NSD2: variants seen among roughly 807,000 people sequenced by gnomAD.
The protein encoded by NSD2 is nuclear receptor binding SET domain protein 2, also known as histone-lysine N-methyltransferase NSD2.
Under a neutral mutation model 139.0 loss-of-function variants are expected in NSD2, and 12 were observed. The ratio of observed to expected loss-of-function variants is 0.09; its 90% confidence interval spans 0.06 to 0.14. The LOEUF (loss-of-function observed/expected upper bound fraction) is 0.14, where lower values mean the gene tolerates loss of function less well. Among genes scored for constraint, NSD2 ranks in the 10% least tolerant of loss-of-function variants. The pLI is 1.00. For synonymous variants in NSD2, 669 were observed against 648.7 expected, an observed-to-expected ratio of 1.03 and a Z score of -0.48; for missense variants, 1,155 against 1,745.0, an observed-to-expected ratio of 0.66 and a Z score of 6.02.
chr4:1,873,211 C>T (rs942699859), intron 1 of NSD2, among the ~76,000 whole-genome samples: 2 of 152,156 alleles, frequency 1.3e-5, no homozygotes, highest in African/African-American at 2.4e-5. Flanking sequence ...TTTGTGTAAG[C>T]TTTTGTGAAG....
intron 1 of NSD2, among the ~76,000 whole-genome samples, chr4:1,888,930 C>T (rs1210415245): frequency 1.3e-5 from 2 of 148,238 alleles, no homozygotes; most frequent in East Asian, 2.0e-4. Flanking sequence ...GACAGTCTCA[C>T]TCTGTTGGCC....
rs1560681910 is a variant in NSD2, at chr4:1,930,776, CAT to C, written c.1555+8_1555+9del. On this transcript the variant is annotated splice_region_variant and intron_variant, in intron 6 of 21. Coordinates refer to ENST00000508803, the MANE Select transcript of NSD2 (RefSeq NM_001042424.3). ...CCAGGCTGAAGAAGACTCTGGTAAA[CAT>C]AGCATTATGCTGATGTCCTCTGCTT... 4 of 1,611,902 alleles carry C rather than the reference CAT, an allele frequency of 2.5e-6. No homozygotes were observed. In the Admixed American group the frequency reaches 6.7e-5, roughly 27 times the overall value.
intron 2 of NSD2, among the ~76,000 whole-genome samples, chr4:1,903,980 C>G (rs1717550016): frequency 6.6e-6 from 1 of 152,116 alleles, no homozygotes; most frequent in South Asian, 2.1e-4. Context: ...GTGATCCGCC[C>G]ACGTTGGCCT....
At chr4:1,951,878 G>T in intron 10 of NSD2, 1 of 561,324 alleles carries the variant, frequency 1.8e-6, no homozygotes, top group Non-Finnish European at 3.0e-6. Context: ...TACTTCCTTT[G>T]CCATTGCTGA....
chr4:1,953,285 T>C (rs1324532694), intron 11 of NSD2, 39 bp from the exon 12 acceptor site: 1 of 1,614,136 alleles, frequency 6.2e-7, no homozygotes, highest in Non-Finnish European at 8.5e-7. Flanking sequence ...TCTTGTTCTT[T>C]GCACCTCTCT....
rs570465911 is a variant in NSD2, at chr4:1,955,590, G to C, written c.2519-103G>C. The C allele has an allele frequency of 2.9e-6, 4 of 1,387,796 alleles. No individual in the cohort carries two copies. In the East Asian group the frequency reaches 1.0e-4, roughly 35 times the overall value. The allele number at this position is 1,387,796 out of a possible 1,614,324, so 86.0% of individuals were successfully genotyped here. A position where few individuals can be genotyped will look rare whatever the true frequency, so the allele number is the denominator to read the frequency against. ...TACAGATCGCTGTTTTAAAACTGAT[G>C]TTTATAAGTTAAGGCTGTAATAAGT... On this transcript the variant is annotated intron_variant, in intron 13 of 21. Transcript: ENST00000508803. The surrounding 1 kb of genome is among the most constrained non-coding windows in gnomAD (Gnocchi z 4.7).
rs1723900747 is a variant in NSD2 at position 1,948,749 on chromosome 4, A to T, written c.1882-2323A>T. ...CAAAACAGACTTTGTTAATGTAGGAAATCTCTCCAAGTGGAAACGTGCTAA... is the reference window on the plus strand; with the variant it reads ...CAAAACAGACTTTGTTAATGTAGGATATCTCTCCAAGTGGAAACGTGCTAA... On this transcript the variant is annotated intron_variant, in intron 9 of 21. Coordinates refer to ENST00000508803, the MANE Select transcript of NSD2 (RefSeq NM_001042424.3). This position sits in a 1 kb window ranked among gnomAD's most constrained non-coding sequence, Gnocchi z 4.5. 1.9e-6 allele frequency: 2 copies of T among 1,048,190 alleles called. No individual in the cohort carries two copies. Among genetic ancestry groups the T allele is most frequent in the Middle Eastern group, 8.7e-4 (2 of 2,300 alleles). The allele number at this position is 1,048,190 out of a possible 1,614,324, so 64.9% of individuals were successfully genotyped here. A position where few individuals can be genotyped will look rare whatever the true frequency, so the allele number is the denominator to read the frequency against.
At chr4:1,915,316 G>A (rs1323285177) in intron 3 of NSD2, among the ~76,000 whole-genome samples, 5 of 151,786 alleles carry the variant, frequency 3.3e-5, no homozygotes, top group East Asian at 1.9e-4. Context: ...GGATTTCACC[G>A]TGTTAGCCAG....
intron 11 of NSD2, 187 bp from the exon 12 acceptor site, chr4:1,953,137 T>C (rs1242985243): frequency 1.3e-6 from 2 of 1,548,068 alleles, no homozygotes; most frequent in African/African-American, 2.7e-5. Context: ...AGCAAGGTAA[T>C]CCTTGATGGC....
rs1724792021 is a variant in NSD2 at position 1,956,253 on chromosome 4, A to G, written c.2881+65A>G. The G allele has an allele frequency of 2.2e-6, 3 of 1,386,776 alleles. No individual in the cohort carries two copies. Among genetic ancestry groups the G allele is most frequent in the Non-Finnish European group, 2.9e-6 (3 of 1,032,540 alleles). 85.9% of individuals were successfully genotyped at this position (1,386,776 alleles called of 1,614,324 possible). The stretch of plus-strand genomic sequence containing the variant: ...GTGCATTTTCTTACCCCTAATTTCT[A>G]TTTTTTAAAATTTGATCTTTATAGA... On this transcript the variant is annotated intron_variant, in intron 15 of 21. Transcript: ENST00000508803. The surrounding 1 kb of genome is among the most constrained non-coding windows in gnomAD (Gnocchi z 5.3).
intron 5 of NSD2, among the ~76,000 whole-genome samples, chr4:1,925,223 G>A (rs546967455): frequency 2.0e-5 from 3 of 152,132 alleles, no homozygotes; most frequent in Non-Finnish European, 2.9e-5. Context: ...GATGGTTTTT[G>A]TTGGCTTGTC....
At chr4:1,951,250 G>C in intron 10 of NSD2, 47 bp downstream of exon 10, 1 of 1,611,556 alleles carries the variant, frequency 6.2e-7, no homozygotes. Flanking sequence ...TGTCTGACTG[G>C]GGCCCCGGTA....
intron 15 of NSD2, 60 bp from the exon 16 acceptor site, chr4:1,957,873 C>A: frequency 6.8e-7 from 1 of 1,461,960 alleles, no homozygotes; most frequent in Non-Finnish European, 9.5e-7. Flanking sequence ...AAATATGGAG[C>A]TTGAAAGGTA....
At position 1,976,028 on chromosome 4, in the gene NSD2, G is replaced by A. The variant is rs1046317418; in HGVS notation, c.3622-447G>A. On this transcript the variant is annotated intron_variant, in intron 20 of 21. Coordinates refer to ENST00000508803, the MANE Select transcript of NSD2 (RefSeq NM_001042424.3). The surrounding 1 kb of genome is among the most constrained non-coding windows in gnomAD (Gnocchi z 5.3). ...GGTGGCACCAGCTCGGCCCTGAGCCGGTGTCTGTCCTCAGCCGTGTTGCTG... is the reference window on the plus strand; with the variant it reads ...GGTGGCACCAGCTCGGCCCTGAGCCAGTGTCTGTCCTCAGCCGTGTTGCTG... Among the ~76,000 whole-genome samples, 7 of 152,258 alleles carry A rather than the reference G, an allele frequency of 4.6e-5. No individual in the cohort carries two copies. In the East Asian group the frequency reaches 9.7e-4, roughly 21 times the overall value.
rs1238855580 is a variant in NSD2, at chr4:1,958,301, T to G, written c.2985+265T>G. ...GGGTGACAGTCCTGACCGGGCTGCT[T>G]GGAGCAGGAGGAGCTGAGGGATGAG... is the stretch of plus-strand genomic sequence containing the variant. On this transcript the variant is annotated intron_variant, in intron 16 of 21. Coordinates refer to ENST00000508803, the MANE Select transcript of NSD2 (RefSeq NM_001042424.3). This position sits in a 1 kb window ranked among gnomAD's most constrained non-coding sequence, Gnocchi z 4.6. Among the ~76,000 whole-genome samples the G allele has an allele frequency of 6.6e-6, 1 of 152,166 alleles. No homozygotes were observed. The highest frequency in any genetic ancestry group is 1.5e-5 in the Non-Finnish European group (1 of 68,024).
At chr4:1,971,606 A>G (rs1337771555) in intron 18 of NSD2, among the ~76,000 whole-genome samples, 3 of 152,314 alleles carry the variant, frequency 2.0e-5, no homozygotes, top group African/African-American at 4.8e-5. Context: ...TCAGAGGCAC[A>G]TGTACTGAGG....
chr4:1,894,248 C>T (rs548881152), intron 1 of NSD2, among the ~76,000 whole-genome samples: 41 of 152,276 alleles, frequency 2.7e-4, no homozygotes, highest in Non-Finnish European at 4.7e-4. Flanking sequence ...TGAGCCACCA[C>T]GCCTGGTGAA....
At chr4:1,882,480 G>A (rs895027832) in intron 1 of NSD2, among the ~76,000 whole-genome samples, 1 of 152,116 alleles carries the variant, frequency 6.6e-6, no homozygotes, top group Non-Finnish European at 1.5e-5. Flanking sequence ...TGGCTAACAC[G>A]GTGAAACCCC....
Position 1,942,686 on chromosome 4 carries a change from T to C in NSD2, c.1881+2908T>C. 2 of 1,138,624 alleles carry C rather than the reference T, an allele frequency of 1.8e-6. No individual in the cohort carries two copies. Among genetic ancestry groups the C allele is most frequent in the South Asian group, 3.1e-5 (1 of 32,068 alleles). 70.5% of individuals were successfully genotyped at this position (1,138,624 alleles called of 1,614,324 possible). A position where few individuals can be genotyped will look rare whatever the true frequency, so the allele number is the denominator to read the frequency against. On this transcript the variant is annotated intron_variant, in intron 9 of 21. Transcript: ENST00000508803. This position sits in a 1 kb window ranked among gnomAD's most constrained non-coding sequence, Gnocchi z 4.0. ...AGGCAGTCCCTTTAGTTGGGGGCTG[T>C]CCAGAGCTGCAGCAGGGCTTTGCAC...
Sources: allele counts gnomAD v4.1 joint callset (sites outside exome capture counted in the v4.1 genomes callset), GRCh38; gene constraint gnomAD v4.1.1; non-coding constraint Gnocchi (gnomAD v3.1); transcripts MANE v1.5; gene names NCBI Gene and HGNC (gene_info 2026-07-23, HGNC 2026-07-21).